RAB27B: variants seen among roughly 807,000 people sequenced by gnomAD.
RAB27B encodes the protein RAB27B, member RAS oncogene family.
Under a neutral mutation model 24.6 loss-of-function variants are expected in RAB27B, and 15 were observed. That is an observed-to-expected ratio of 0.61 (90% CI 0.41 to 0.94). RAB27B has a LOEUF of 0.94. RAB27B is among the 40% of genes least tolerant of loss of function. The pLI, the probability that RAB27B is intolerant of heterozygous loss-of-function variation, is 0.00. For synonymous variants in RAB27B, 105 were observed against 92.5 expected (o/e 1.14, Z -0.78); for missense variants, 261 against 266.8 (o/e 0.98, Z 0.15).
In RAB27B at chr18:54,884,313, C is replaced by G. The variant is rs1913043780; in HGVS notation, c.240-20C>G. 1.4e-6 allele frequency: 2 copies of G among 1,471,692 alleles called. No individual in the cohort carries two copies. Among genetic ancestry groups the G allele is most frequent in the East Asian group, 4.5e-5 (2 of 44,124 alleles). The allele number at this position is 1,471,692 out of a possible 1,614,324, so 91.2% of individuals were successfully genotyped here. On this transcript the variant is annotated intron_variant, in intron 3 of 5. Transcript: ENST00000262094. ...TATGTGGACTAACTTTCAGAACTAC[C>G]CACTGTGTTTCCTTGGCAGGTTCCG... is the stretch of plus-strand genomic sequence containing the variant.
intron 3 of RAB27B, among the ~76,000 whole-genome samples, chr18:54,881,880 C>T (rs886236705): frequency 2.6e-5 from 4 of 152,118 alleles, no homozygotes; most frequent in South Asian, 2.1e-4. Flanking sequence ...CTTTGTCATA[C>T]GCTCTGGGCA....
intron 2 of RAB27B, among the ~76,000 whole-genome samples, chr18:54,774,384 A>AT (rs1908651340): frequency 6.6e-6 from 1 of 152,208 alleles, no homozygotes; most frequent in Non-Finnish European, 1.5e-5. Flanking sequence ...AGGTACTATT[A>AT]TTTTTCCATT....
chr18:54,745,283 C>G, intron 2 of RAB27B: 1 of 183,150 alleles, frequency 5.5e-6, no homozygotes. Flanking sequence ...GGAAGTTCTG[C>G]ATAAGCATGG....
At chr18:54,746,668 T>C (rs1568050562) in intron 2 of RAB27B, among the ~76,000 whole-genome samples, 2 of 151,106 alleles carry the variant, frequency 1.3e-5, no homozygotes, top group South Asian at 4.2e-4. Flanking sequence ...CTACCTGCTG[T>C]CCTTCTTTAC....
At chr18:54,772,674 T>A (rs4801056) in intron 2 of RAB27B, among the ~76,000 whole-genome samples, 78,607 of 152,042 alleles carry the variant, frequency 0.52, 21,631 homozygotes, top group Middle Eastern at 0.62. Context: ...ATTAATTATT[T>A]AAAAAACCCT....
intron 2 of RAB27B, among the ~76,000 whole-genome samples, chr18:54,812,770 A>G (rs1910006977): frequency 6.6e-6 from 1 of 152,208 alleles, no homozygotes; most frequent in African/African-American, 2.4e-5. Flanking sequence ...ATACTAGAAT[A>G]ATTTAAATCG....
Position 54,890,915 on chromosome 18 carries a change from A to T in RAB27B, c.*1502A>T, listed in dbSNP as rs1222573790. 6.6e-6 allele frequency: 1 copy of T among 152,066 alleles called. No individual in the cohort carries two copies. Among genetic ancestry groups the T allele is most frequent in the Non-Finnish European group, 1.5e-5 (1 of 68,008 alleles). The allele number at this position is 152,066 out of a possible 1,614,324, so 9.4% of individuals were successfully genotyped here. On this transcript the variant is annotated 3_prime_UTR_variant, in exon 6 of 6. Coordinates refer to ENST00000262094, the MANE Select transcript of RAB27B (RefSeq NM_004163.4). ...AATTTTTAATCTTAGTTTCTGATAAACACAAGCCATTCCTATCAAAATATT... is the reference window on the plus strand; with the variant it reads ...AATTTTTAATCTTAGTTTCTGATAATCACAAGCCATTCCTATCAAAATATT...
chr18:54,795,713 AG>A (rs1342286462), intron 2 of RAB27B, among the ~76,000 whole-genome samples: 7 of 152,164 alleles, frequency 4.6e-5, no homozygotes. Flanking sequence ...TAAAACCAGA[AG>A]GGTCAATTTC....
chr18:54,819,875 G>T (rs984559600), intron 2 of RAB27B, among the ~76,000 whole-genome samples: 17 of 150,928 alleles, frequency 1.1e-4, no homozygotes, highest in Non-Finnish European at 2.1e-4. Context: ...GCAGTGTTTG[G>T]TTTTTTGTCC....
At chr18:54,805,548 C>A (rs1013772254) in intron 2 of RAB27B, among the ~76,000 whole-genome samples, 11 of 152,170 alleles carry the variant, frequency 7.2e-5, no homozygotes, top group Non-Finnish European at 1.5e-5. Flanking sequence ...TTAGAGAATT[C>A]ATGAGCAACT....
chr18:54,811,484 C>A (rs545104852), intron 2 of RAB27B, among the ~76,000 whole-genome samples: 5 of 152,080 alleles, frequency 3.3e-5, no homozygotes, highest in Admixed American at 3.3e-4. Context: ...TTTGAGTCTT[C>A]GATCAGTCTT....
intron 2 of RAB27B, among the ~76,000 whole-genome samples, chr18:54,724,648 C>T (rs1219866916): frequency 1.3e-5 from 2 of 150,544 alleles, no homozygotes; most frequent in African/African-American, 2.4e-5. Context: ...TGCAGTGAGC[C>T]GAGATCACAC....
At chr18:54,722,196 C>T (rs528173888) in intron 2 of RAB27B, among the ~76,000 whole-genome samples, 15 of 152,248 alleles carry the variant, frequency 9.9e-5, no homozygotes, top group East Asian at 7.7e-4. Flanking sequence ...ACTCCTGTAC[C>T]GCTTTCTTTA....
intron 2 of RAB27B, among the ~76,000 whole-genome samples, chr18:54,780,472 G>A (rs1256538029): frequency 6.9e-6 from 1 of 144,428 alleles, no homozygotes. Flanking sequence ...CCCTCACTGT[G>A]TCTCCCCCAT....
At chr18:54,841,819 A>G (rs1911131550) in intron 1 of RAB27B, among the ~76,000 whole-genome samples, 1 of 152,208 alleles carries the variant, frequency 6.6e-6, no homozygotes. Flanking sequence ...TTGCCTCCTG[A>G]GTCATTGCCT....
chr18:54,745,664 TA>T (rs916899465), intron 2 of RAB27B: 4 of 151,630 alleles, frequency 2.6e-5, no homozygotes, highest in African/African-American at 9.7e-5. Flanking sequence ...AAAACATTAA[TA>T]AAAATAAAAG....
chr18:54,841,380 A>C (rs1911116083), intron 1 of RAB27B, among the ~76,000 whole-genome samples: 1 of 152,336 alleles, frequency 6.6e-6, no homozygotes, highest in Admixed American at 6.5e-5. Context: ...CATTAGGTAT[A>C]AGTTATCTGC....
intron 2 of RAB27B, among the ~76,000 whole-genome samples, chr18:54,818,611 A>C (rs1400668558): frequency 6.6e-6 from 1 of 152,056 alleles, no homozygotes; most frequent in Non-Finnish European, 1.5e-5. Context: ...ACTCAGTGCT[A>C]TTGCATTCAG....
intron 2 of RAB27B, among the ~76,000 whole-genome samples, chr18:54,762,522 C>G (rs1243944187): frequency 6.6e-6 from 1 of 152,204 alleles, no homozygotes; most frequent in Non-Finnish European, 1.5e-5. Flanking sequence ...TTCACTCTGC[C>G]ACATTGTGCA....
Sources: gnomAD v4.1 joint callset for allele counts (sites outside exome capture counted in the v4.1 genomes callset) on GRCh38, gnomAD v4.1.1 for gene constraint, MANE v1.5 for transcripts, NCBI Gene and HGNC (gene_info 2026-07-23, HGNC 2026-07-21) for gene names.